The following PRSS57 variants were observed in gnomAD, a reference collection of about 807,000 sequenced individuals.
PRSS57 encodes serine protease 57.
PRSS57 carries 19 observed loss-of-function variants against 20.6 expected under a neutral mutation model. The observed-to-expected ratio is 0.92, with a 90% CI of 0.64 to 1.35. The LOEUF (loss-of-function observed/expected upper bound fraction) is 1.35, where lower values mean the gene tolerates loss of function less well. PRSS57 is among the 40% of genes most tolerant of loss of function. The pLI is 0.00. For synonymous variants in PRSS57, 203 were observed against 176.6 expected (o/e 1.15, Z -1.19); for missense variants, 440 against 403.7 (o/e 1.09, Z -0.77).
At chr19:686,487 G>T (rs543997179) in intron 4 of PRSS57, among the ~76,000 whole-genome samples, 1 of 152,040 alleles carries the variant, frequency 6.6e-6, no homozygotes, top group African/African-American at 2.4e-5. Flanking sequence ...CCAAGGTCAC[G>T]CATCGGGAAA....
chr19:685,806 A>G lies in PRSS57; in HGVS notation c.759T>C (p.Phe253=), dbSNP rs546543607. 5.7e-6 allele frequency: 9 copies of G among 1,565,996 alleles called. No homozygotes were observed. The highest frequency in any genetic ancestry group is 8.7e-7 in the Non-Finnish European group (1 of 1,154,808). Residue 253 remains phenylalanine, a synonymous_variant, in exon 5 of 5, where the codon TTT becomes TTC. Transcript: ENST00000329267. Reference sequence around the variant, plus strand: ...GAACCACGTCCCAGATCCAGGCCACAAAGGCGGACACCTGCGTGTACACGT... The same window carrying G: ...GAACCACGTCCCAGATCCAGGCCACGAAGGCGGACACCTGCGTGTACACGT... The part of the protein sequence containing the change: ...TPDVYTQVSA[F]VAWIWDVVRR...
Position 685,934 on chromosome 19 carries a change from G to GGAGAGGT in PRSS57, c.643-19_643-13dup. 1 of 1,530,192 alleles carries GGAGAGGT rather than the reference G, an allele frequency of 6.5e-7. No homozygotes were observed. Among genetic ancestry groups the GGAGAGGT allele is most frequent in the Non-Finnish European group, 8.8e-7 (1 of 1,133,550 alleles). 94.8% of individuals were successfully genotyped at this position (1,530,192 alleles called of 1,614,324 possible). A position where few individuals can be genotyped will look rare whatever the true frequency, so the allele number is the denominator to read the frequency against. On this transcript the variant is annotated splice_polypyrimidine_tract_variant and intron_variant, in intron 4 of 4. Transcript: ENST00000329267. ...CCTCCGGAGTCGGCCTGGAGTGAAA[G>GGAGAGGT]GAGAGGTGAGGTCAGGGCCTCTGGG...
At position 691,969 on chromosome 19, in the gene PRSS57, GGCGCCCAGCACCACCAGGCCAGT is replaced by G. The variant is rs758245146; in HGVS notation, c.244_266del (p.Thr82ProfsTer77). 25 of 1,327,528 alleles carry G rather than the reference GGCGCCCAGCACCACCAGGCCAGT, an allele frequency of 1.9e-5. No individual in the cohort carries two copies. In the Middle Eastern group the frequency reaches 8.0e-4, roughly 43 times the overall value. 82.2% of individuals were successfully genotyped at this position (1,327,528 alleles called of 1,614,324 possible). A position where few individuals can be genotyped will look rare whatever the true frequency, so the allele number is the denominator to read the frequency against. On this transcript the variant is annotated frameshift_variant, in exon 3 of 5. Transcript: ENST00000329267. LOFTEE classifies it high-confidence loss of function. ...TGGGCTCCGCAGTACTCAGGACGTG[GGCGCCCAGCACCACCAGGCCAGT>G]GCGGAGGTCTCTGCAGGGAGGAGGT...
chr19:692,608 G>A (rs988786373), intron 2 of PRSS57, among the ~76,000 whole-genome samples: 9 of 151,466 alleles, frequency 5.9e-5, no homozygotes, highest in Non-Finnish European at 1.2e-4. Flanking sequence ...GTAGAGACAG[G>A]GTTTCACCAT....
At chr19:687,989 G>A (rs894442066) in intron 3 of PRSS57, among the ~76,000 whole-genome samples, 12 of 152,220 alleles carry the variant, frequency 7.9e-5, no homozygotes, top group Non-Finnish European at 1.2e-4. Flanking sequence ...AGGCTGGCAC[G>A]TGAGTCTTCT....
At chr19:690,552 G>A (rs917998266) in intron 3 of PRSS57, 3 of 262,300 alleles carry the variant, frequency 1.1e-5, no homozygotes, top group Non-Finnish European at 2.3e-5. Context: ...GAGGAGATCT[G>A]TCTCTTCTCC....
chr19:689,376 C>T (rs116315097), intron 3 of PRSS57, among the ~76,000 whole-genome samples: 1 of 151,800 alleles, frequency 6.6e-6, no homozygotes, highest in Non-Finnish European at 1.5e-5. Context: ...ACTTGACAGG[C>T]GTGAGGGGAA....
intron 3 of PRSS57, among the ~76,000 whole-genome samples, chr19:688,495 C>T (rs1460181063): frequency 2.4e-5 from 3 of 125,728 alleles, no homozygotes; most frequent in Non-Finnish European, 5.1e-5. Flanking sequence ...TGGGTAGAAG[C>T]GTCAGGGAAG....
intron 3 of PRSS57, among the ~76,000 whole-genome samples, chr19:687,899 A>C (rs545183616): frequency 2.0e-5 from 3 of 151,650 alleles, no homozygotes; most frequent in Admixed American, 2.0e-4. Flanking sequence ...CTCACACCAG[A>C]CCCCCAGCCT....
chr19:692,194 A>G lies in PRSS57; in HGVS notation c.234-192T>C, dbSNP rs538796004. Among the ~76,000 whole-genome samples the G allele has an allele frequency of 9.1e-4, 137 of 150,448 alleles. 1 individual carries two copies. The highest frequency in any genetic ancestry group is 2.4e-3 in the East Asian group (12 of 5,014). On this transcript the variant is annotated intron_variant, in intron 2 of 4. Transcript: ENST00000329267. ...AGACCAGCCTGATCAACATGGAGAAACCCCGTCTCTACTAAAAATACAAAA... is the reference window on the plus strand; with the variant it reads ...AGACCAGCCTGATCAACATGGAGAAGCCCCGTCTCTACTAAAAATACAAAA...
In PRSS57 at chr19:685,667, A is replaced by G. The variant is rs1217759168; in HGVS notation, c.*49T>C. On this transcript the variant is annotated 3_prime_UTR_variant, in exon 5 of 5. Coordinates refer to ENST00000329267, the MANE Select transcript of PRSS57 (RefSeq NM_001308209.2). ...TTCCCGTGGGGCCCAGCCACGGAAC[A>G]TTCCAGGCCTGGAGCGGCCATCTCA... 4 of 1,459,584 alleles carry G rather than the reference A, an allele frequency of 2.7e-6. No individual in the cohort carries two copies. Among genetic ancestry groups the G allele is most frequent in the Admixed American group, 4.8e-5 (2 of 42,006 alleles). The allele number at this position is 1,459,584 out of a possible 1,614,324, so 90.4% of individuals were successfully genotyped here.
chr19:690,665 C>A, intron 3 of PRSS57: 1 of 279,068 alleles, frequency 3.6e-6, no homozygotes, highest in Non-Finnish European at 7.1e-6. Context: ...CCGCACCGGC[C>A]AGCGCACCAG....
In PRSS57 at chr19:685,821, C is replaced by T. The variant is rs777103830; in HGVS notation, c.744G>A (p.Thr248=). The T allele has an allele frequency of 4.9e-5, 76 of 1,565,274 alleles. No homozygotes were observed. The highest frequency in any genetic ancestry group is 1.7e-4 in the Middle Eastern group (1 of 6,014). ...CGDPKTPDVY[T]QVSAFVAWIW... ...TCCAGGCCACAAAGGCGGACACCTG[C>T]GTGTACACGTCGGGGGTCTTGGGGT... Residue 248 remains threonine (T), a synonymous_variant, in exon 5 of 5, where the codon ACG becomes ACA. Coordinates refer to ENST00000329267, the MANE Select transcript of PRSS57 (RefSeq NM_001308209.2).
intron 3 of PRSS57, among the ~76,000 whole-genome samples, chr19:689,548 T>C (rs570171967): frequency 4.0e-5 from 6 of 151,416 alleles, no homozygotes; most frequent in Non-Finnish European, 8.9e-5. Context: ...ACCAGGAGGA[T>C]TTGTCCTGCA....
intron 2 of PRSS57, among the ~76,000 whole-genome samples, chr19:693,258 G>A (rs2031700365): frequency 1.1e-5 from 1 of 90,518 alleles, no homozygotes; most frequent in African/African-American, 4.4e-5. Context: ...TTTGAGACAA[G>A]GTCTCACTCT....
Position 695,350 on chromosome 19 carries a change from AC to A in PRSS57, c.79+1del. 7.9e-7 allele frequency: 1 copy of A among 1,266,826 alleles called. No homozygotes were observed. The highest frequency in any genetic ancestry group is 3.7e-5 in the South Asian group (1 of 27,168). 78.5% of individuals were successfully genotyped at this position (1,266,826 alleles called of 1,614,324 possible). On this transcript the variant is annotated splice_donor_variant, in intron 1 of 4. Transcript: ENST00000329267. LOFTEE classifies it high-confidence loss of function. ...GGGTGGGGATCCCGGGGGGCTCCTC[AC>A]CGGGGGGCTTCACGGGCAGCATCAG...
At position 694,930 on chromosome 19, in the gene PRSS57, C is replaced by A; in HGVS notation, c.117G>T (p.Val39=). ...CCATGTAGGGCCTGGAGTGGGGGGT[C>A]ACCTCGTGGCCCCCGATGATCTGGG... The part of the protein sequence containing the change: ...WGAQIIGGHE[V]TPHSRPYMAS... The change falls in exon 2 of 5, where the codon GTG becomes GTT. Residue 39 remains valine (V), a synonymous_variant. Transcript: ENST00000329267. 1 of 1,581,284 alleles carries A rather than the reference C, an allele frequency of 6.3e-7. No homozygotes were observed. Among genetic ancestry groups the A allele is most frequent in the Non-Finnish European group, 8.6e-7 (1 of 1,163,666 alleles).
rs1171032187 is a variant in PRSS57 at position 693,229 on chromosome 19, C to CTTTTTTTTTTTTTTT, written c.234-1228_234-1227insAAAAAAAAAAAAAAA. ...TACAGGCGTGAGCCACCGCACCCGG[C>CTTTTTTTTTTTTTTT]CTTTTTTTTTTTTTTTTTTTTGAGA... On this transcript the variant is annotated intron_variant, in intron 2 of 4. Transcript: ENST00000329267. 2.7e-5 allele frequency among the ~76,000 whole-genome samples: 3 copies of CTTTTTTTTTTTTTTT among 109,126 alleles called. 1 individual carries two copies. The highest frequency in any genetic ancestry group is 5.5e-5 in the Non-Finnish European group (3 of 54,488). 71.6% of individuals were successfully genotyped at this position (109,126 alleles called of 152,430 possible).
intron 3 of PRSS57, among the ~76,000 whole-genome samples, chr19:689,203 C>G (rs12974058): frequency 0.038 from 2,275 of 59,474 alleles, 26 homozygotes; most frequent in African/African-American, 0.073. Flanking sequence ...GGGTGGTCCA[C>G]AGGTTAGCAG....
Sources: allele counts gnomAD v4.1 joint callset (sites outside exome capture counted in the v4.1 genomes callset), GRCh38; gene constraint gnomAD v4.1.1; transcripts MANE v1.5; gene names NCBI Gene and HGNC (gene_info 2026-07-23, HGNC 2026-07-21).